The following REDIC1 variants were observed in gnomAD, a reference collection of about 807,000 sequenced individuals.
REDIC1 encodes regulator of DNA class I crossover intermediates 1.
At chr12:39,857,534 C>T in the REDIC1 span, among the ~76,000 whole-genome samples, 24 of 152,290 alleles carry the variant, frequency 1.6e-4, no homozygotes, top group African/African-American at 5.3e-4. Context: ...CTTGCCTAGG[C>T]TACTAAGTTC....
At chr12:39,642,693 A>G in the REDIC1 span, among the ~76,000 whole-genome samples, 10 of 151,692 alleles carry the variant, frequency 6.6e-5, no homozygotes, top group Admixed American at 1.3e-4. Flanking sequence ...AGATCCTGTT[A>G]TTTCATTGCT....
chr12:39,737,482 TA>T, the REDIC1 span, among the ~76,000 whole-genome samples: 4 of 152,354 alleles, frequency 2.6e-5, no homozygotes, highest in African/African-American at 4.8e-5. Context: ...ACACAGTGCC[TA>T]GTACAGAGTA....
chr12:39,809,895 T>C, the REDIC1 span, among the ~76,000 whole-genome samples: 1 of 152,254 alleles, frequency 6.6e-6, no homozygotes, highest in African/African-American at 2.4e-5. Context: ...ATTTTCTTAA[T>C]CCAGTCTATT....
chr12:39,894,867 G>GA, the REDIC1 span, among the ~76,000 whole-genome samples: 3 of 151,872 alleles, frequency 2.0e-5, no homozygotes, highest in Admixed American at 2.0e-4. Flanking sequence ...AGGGAGAAAA[G>GA]AAAAAAAGAA....
At chr12:39,900,650 C>T in the REDIC1 span, among the ~76,000 whole-genome samples, 3 of 152,116 alleles carry the variant, frequency 2.0e-5, no homozygotes, top group Non-Finnish European at 4.4e-5. Flanking sequence ...AGGACCTCTT[C>T]AAGGAGAACC....
the REDIC1 span, among the ~76,000 whole-genome samples, chr12:39,628,358 A>G: frequency 6.6e-6 from 1 of 152,124 alleles, no homozygotes; most frequent in African/African-American, 2.4e-5. Context: ...AGATTAGTTG[A>G]TCTTGGCACT....
At chr12:39,900,163 G>A in the REDIC1 span, among the ~76,000 whole-genome samples, 60 of 151,630 alleles carry the variant, frequency 4.0e-4, no homozygotes, top group East Asian at 1.9e-4. Flanking sequence ...AAAACTCTCA[G>A]TAAATTAGGT....
chr12:39,678,515 A>G, the REDIC1 span, among the ~76,000 whole-genome samples: 5 of 152,092 alleles, frequency 3.3e-5, no homozygotes, highest in Admixed American at 2.0e-4. Flanking sequence ...CCATTCAAAG[A>G]AGAATTGGTA....
At chr12:39,751,025 C>A in the REDIC1 span, among the ~76,000 whole-genome samples, 1 of 152,030 alleles carries the variant, frequency 6.6e-6, no homozygotes, top group Non-Finnish European at 1.5e-5. Flanking sequence ...GTCTAAAACA[C>A]CAAAAGCAAT....
the REDIC1 span, among the ~76,000 whole-genome samples, chr12:39,815,802 T>C: frequency 6.6e-6 from 1 of 152,148 alleles, no homozygotes; most frequent in African/African-American, 2.4e-5. Context: ...ATAAATGTTG[T>C]TTTAGTTGTT....
the REDIC1 span, among the ~76,000 whole-genome samples, chr12:39,717,439 T>C: frequency 6.6e-6 from 1 of 152,022 alleles, no homozygotes; most frequent in African/African-American, 2.4e-5. Flanking sequence ...TATTTACTAT[T>C]CATTAAGTAG....
the REDIC1 span, chr12:39,650,215 G>C: frequency 6.5e-7 from 1 of 1,533,962 alleles, no homozygotes; most frequent in Non-Finnish European, 8.7e-7. This position sits in a 1 kb window ranked among gnomAD's most constrained non-coding sequence, Gnocchi z 4.3. Context: ...TATTTTGGCA[G>C]TTTCTTCAAA....
chr12:39,632,373 T>G, the REDIC1 span, among the ~76,000 whole-genome samples: 1 of 152,102 alleles, frequency 6.6e-6, no homozygotes, highest in Non-Finnish European at 1.5e-5. Flanking sequence ...GCTGGGATTA[T>G]AGGCATGAGC....
the REDIC1 span, among the ~76,000 whole-genome samples, chr12:39,740,545 A>ATAAG: frequency 6.6e-6 from 1 of 152,186 alleles, no homozygotes; most frequent in East Asian, 1.9e-4. Flanking sequence ...TTTACAAGGT[A>ATAAG]TAAGTGATAC....
chr12:39,713,661 G>T, the REDIC1 span, among the ~76,000 whole-genome samples: 4 of 130,098 alleles, frequency 3.1e-5, no homozygotes, highest in African/African-American at 1.2e-4. Context: ...GTATACATGC[G>T]TATATACATA....
chr12:39,725,050 C>G, the REDIC1 span, among the ~76,000 whole-genome samples: 1 of 151,958 alleles, frequency 6.6e-6, no homozygotes, highest in South Asian at 2.1e-4. Flanking sequence ...AAAATGAAAT[C>G]TATATTCTAG....
the REDIC1 span, among the ~76,000 whole-genome samples, chr12:39,770,085 C>A: frequency 2.6e-5 from 4 of 152,132 alleles, no homozygotes; most frequent in Admixed American, 1.3e-4. Flanking sequence ...TATATGTATT[C>A]ATTGCTTTTT....
chr12:39,748,118 A>G, the REDIC1 span, among the ~76,000 whole-genome samples: 1 of 146,152 alleles, frequency 6.8e-6, no homozygotes, highest in Non-Finnish European at 1.5e-5. Flanking sequence ...CTCCAATTAA[A>G]AGACACTGGC....
chr12:39,840,438 T>C, the REDIC1 span, among the ~76,000 whole-genome samples: 1 of 152,082 alleles, frequency 6.6e-6, no homozygotes, highest in East Asian at 1.9e-4. Context: ...ATGAAAATCA[T>C]ACTCCTTTTA....
Sources: allele counts gnomAD v4.1 joint callset (sites outside exome capture counted in the v4.1 genomes callset), GRCh38; gene constraint gnomAD v4.1.1; non-coding constraint Gnocchi (gnomAD v3.1); transcripts MANE v1.5; gene names NCBI Gene and HGNC (gene_info 2026-07-23, HGNC 2026-07-21).